The following SEC31A variants were observed in gnomAD, a reference collection of about 807,000 sequenced individuals.
SEC31A encodes the protein protein transport protein Sec31A.
SEC31A carries 70 observed loss-of-function variants against 151.0 expected under a neutral mutation model. The observed-to-expected ratio is 0.46, with a 90% CI of 0.38 to 0.57. SEC31A has a LOEUF of 0.57. SEC31A is among the 20% of genes least tolerant of loss of function. The pLI, the probability that SEC31A is intolerant of heterozygous loss-of-function variation, is 0.00. For missense variants in SEC31A, 1,330 were observed against 1,471.2 expected (o/e 0.90, Z 1.57); for synonymous variants, 475 against 505.9 (o/e 0.94, Z 0.82).
Position 82,881,863 on chromosome 4 carries a change from G to A in SEC31A, c.74C>T (p.Ala25Val), listed in dbSNP as rs1739430559. The change falls in exon 2 of 27, where the codon GCA becomes GTA. Residue 25 changes from alanine (A) to valine (V), a missense_variant. Physicochemically the swap from Ala to Val is moderately conservative, Grantham distance 64. Transcript: ENST00000395310. ...CTTCTCTCCTTTGAACTTACCTGTT[G>A]CTAGGTAAATGGGGTGATTCTGGGC... ...SPAQNHPIYL[A>V]TGTSAQQLDA... The A allele has an allele frequency of 1.9e-6, 3 of 1,611,056 alleles. No individual in the cohort carries two copies. The highest frequency in any genetic ancestry group is 2.5e-6 in the Non-Finnish European group (3 of 1,177,178).
chr4:82,830,836 T>C, intron 22 of SEC31A: 2 of 355,796 alleles, frequency 5.6e-6, no homozygotes, highest in South Asian at 4.5e-5. Context: ...ATTTGGGATA[T>C]CATCATCTTT....
intron 22 of SEC31A, among the ~76,000 whole-genome samples, chr4:82,837,998 T>C (rs931670426): frequency 6.6e-6 from 1 of 152,242 alleles, no homozygotes; most frequent in Non-Finnish European, 1.5e-5. Flanking sequence ...CCTTTCCCTA[T>C]AAGCCTAGCA....
chr4:82,834,916 G>A (rs930681904), intron 22 of SEC31A, among the ~76,000 whole-genome samples: 6 of 152,084 alleles, frequency 3.9e-5, no homozygotes, highest in Non-Finnish European at 7.4e-5. Flanking sequence ...CACAATCCCG[G>A]CTCACTGCAA....
At chr4:82,889,445 G>A (rs575501590) in intron 1 of SEC31A, among the ~76,000 whole-genome samples, 2 of 151,550 alleles carry the variant, frequency 1.3e-5, no homozygotes, top group African/African-American at 4.8e-5. Flanking sequence ...TACTTCTGAG[G>A]CTGAGGCGGG....
intron 8 of SEC31A, among the ~76,000 whole-genome samples, chr4:82,868,093 C>T (rs1038855253): frequency 6.6e-5 from 10 of 152,276 alleles, no homozygotes; most frequent in Non-Finnish European, 7.4e-5. Context: ...CTTTTAATCA[C>T]GAGAGAAAAC....
chr4:82,874,805 T>C, intron 5 of SEC31A, 54 bp from the exon 6 acceptor site: 2 of 1,561,100 alleles, frequency 1.3e-6, no homozygotes, highest in Non-Finnish European at 8.6e-7. Context: ...TATAATCAAA[T>C]TTAACTGTAA....
intron 6 of SEC31A, among the ~76,000 whole-genome samples, chr4:82,872,334 C>T (rs1341859311): frequency 1.3e-5 from 2 of 152,034 alleles, no homozygotes; most frequent in South Asian, 2.1e-4. Flanking sequence ...GGATTACAGG[C>T]GCAAGCCACC....
chr4:82,867,176 T>C lies in SEC31A; in HGVS notation c.1023A>G (p.Leu341=). ...YSIMGGSTDG[L]RQKQVDKLSS... ...TTACCTTGTCAACTTGTTTCTGTCT[T>C]AAACCATCTGTGCTACCTCCCATGA... is the stretch of plus-strand genomic sequence containing the variant. Residue 341 remains leucine, a synonymous_variant, in exon 9 of 27, where the codon TTA becomes TTG. Coordinates refer to ENST00000395310, the MANE Select transcript of SEC31A (RefSeq NM_001077207.4). 6.2e-7 allele frequency: 1 copy of C among 1,613,920 alleles called. No individual in the cohort carries two copies. The highest frequency in any genetic ancestry group is 8.5e-7 in the Non-Finnish European group (1 of 1,179,818).
intron 4 of SEC31A, 121 bp downstream of exon 4, chr4:82,878,609 T>C (rs1738551579): frequency 1.3e-6 from 1 of 746,202 alleles, no homozygotes; most frequent in Non-Finnish European, 2.2e-6. Context: ...CAAACACTCG[T>C]CAACCTGTAT....
At position 82,900,513 on chromosome 4, in the gene SEC31A, G is replaced by A. The variant is rs1720273274; in HGVS notation, c.-353C>T. 3 of 464,280 alleles carry A rather than the reference G, an allele frequency of 6.5e-6. No homozygotes were observed. In the South Asian group the frequency reaches 9.2e-5, roughly 14 times the overall value. 28.8% of individuals were successfully genotyped at this position (464,280 alleles called of 1,614,324 possible). A position where few individuals can be genotyped will look rare whatever the true frequency, so the allele number is the denominator to read the frequency against. ...GGTGAAAACAGAAGGAAAATAAACC[G>A]GTTGCAGCAAAACCCACTATTCCGC... is the stretch of plus-strand genomic sequence containing the variant. On this transcript the variant is annotated 5_prime_UTR_variant, in exon 1 of 29. Transcript: ENST00000355196.
upstream of SEC31A, chr4:82,891,336 C>A (rs935849769): frequency 2.8e-5 from 20 of 712,810 alleles, no homozygotes; most frequent in Non-Finnish European, 4.3e-5. Context: ...GGTACGGCTC[C>A]GCTGGTTGGT....
In SEC31A at chr4:82,864,370, A is replaced by G. The variant is rs1268511904; in HGVS notation, c.1426T>C (p.Phe476Leu). The stretch of plus-strand genomic sequence containing the variant: ...TTAAACAGCAACTTTACCTTCAAAA[A>G]GGACCACACATTTTTCTCAAATTCA... ...QTEFEKNVWS[F>L]LKVNFEDDSR... The change falls in exon 11 of 27, where the codon TTT (phenylalanine) becomes CTT (leucine). Residue 476 changes from phenylalanine (F) to leucine (L), a missense_variant. Coordinates refer to ENST00000395310, the MANE Select transcript of SEC31A (RefSeq NM_001077207.4). 6.2e-7 allele frequency: 1 copy of G among 1,610,300 alleles called. No individual in the cohort carries two copies. Among genetic ancestry groups the G allele is most frequent in the South Asian group, 1.1e-5 (1 of 90,940 alleles).
At chr4:82,820,911 C>G in intron 26 of SEC31A, 126 bp downstream of exon 26, 1 of 736,664 alleles carries the variant, frequency 1.4e-6, no homozygotes, top group East Asian at 2.5e-5. Flanking sequence ...CACAGCCATG[C>G]CCATTCTCTA....
At chr4:82,855,599 C>T (rs4235053) in intron 16 of SEC31A, among the ~76,000 whole-genome samples, 100,548 of 152,050 alleles carry the variant, frequency 0.66, 35,969 homozygotes, top group Non-Finnish European at 0.79. Context: ...AGAAATAACA[C>T]CAAGTAACCA....
upstream of SEC31A, chr4:82,895,148 A>G (rs1427106367): frequency 6.6e-6 from 1 of 152,220 alleles, no homozygotes; most frequent in South Asian, 2.1e-4. Flanking sequence ...ATCTTTAAGA[A>G]TATCAGGTGC....
chr4:82,848,283 C>T (rs978563451), intron 20 of SEC31A, among the ~76,000 whole-genome samples: 1 of 142,814 alleles, frequency 7.0e-6, no homozygotes, highest in African/African-American at 2.6e-5. Context: ...AACCTTTGGT[C>T]ATTCATTTTT....
intron 20 of SEC31A, among the ~76,000 whole-genome samples, chr4:82,846,452 A>G (rs1247603222): frequency 6.6e-6 from 1 of 150,928 alleles, no homozygotes; most frequent in East Asian, 1.9e-4. Flanking sequence ...GGGTCCACTT[A>G]GATGTGAATT....
Position 82,880,959 on chromosome 4 carries a change from A to G in SEC31A, c.80-37T>C, listed in dbSNP as rs201947292. 172 of 1,540,992 alleles carry G rather than the reference A, an allele frequency of 1.1e-4. No homozygotes were observed. The Admixed American group carries it at 3.3e-3, about 30-fold the overall frequency. ...ATATTTATGGTAACTATACACACAA[A>G]AATAAAAGATCAGAGAAACCATACA... is the stretch of plus-strand genomic sequence containing the variant. On this transcript the variant is annotated intron_variant, in intron 2 of 26. Transcript: ENST00000395310.
At chr4:82,867,465 A>G in intron 8 of SEC31A, 149 bp from the exon 9 acceptor site, 1 of 684,460 alleles carries the variant, frequency 1.5e-6, no homozygotes, top group South Asian at 2.0e-5. Flanking sequence ...GAATACTAAG[A>G]TTTTTTAAAG....
Sources: allele counts gnomAD v4.1 joint callset (sites outside exome capture counted in the v4.1 genomes callset), GRCh38; gene constraint gnomAD v4.1.1; transcripts MANE v1.5; gene names NCBI Gene and HGNC (gene_info 2026-07-23, HGNC 2026-07-21).